Variants in QTMAN observed in about 807,000 individuals in gnomAD.
QTMAN encodes the protein queuosine-tRNA mannosyltransferase.
At chr2:144,214,704 A>C in the QTMAN span, among the ~76,000 whole-genome samples, 33 of 152,288 alleles carry the variant, frequency 2.2e-4, no homozygotes, top group Non-Finnish European at 4.3e-4. Context: ...GTCTTGTTGT[A>C]GAGACTAAGA....
chr2:144,236,810 C>T, the QTMAN span, among the ~76,000 whole-genome samples: 1 of 151,656 alleles, frequency 6.6e-6, no homozygotes, highest in Non-Finnish European at 1.5e-5. Flanking sequence ...GTTAGAGAAC[C>T]TTCCAGGTAC....
the QTMAN span, chr2:144,208,571 A>C: frequency 1.9e-6 from 3 of 1,590,950 alleles, no homozygotes; most frequent in Non-Finnish European, 2.6e-6. Flanking sequence ...CTTTTTAAAA[A>C]ACGCTGAAAA....
At chr2:144,236,534 A>T in the QTMAN span, among the ~76,000 whole-genome samples, 3 of 151,344 alleles carry the variant, frequency 2.0e-5, no homozygotes, top group Non-Finnish European at 4.4e-5. Flanking sequence ...ATTTATGACA[A>T]GGAAACTTTT....
the QTMAN span, among the ~76,000 whole-genome samples, chr2:144,001,429 CAACTTTGCATAAGCTGA>C: frequency 2.0e-5 from 3 of 151,998 alleles, no homozygotes; most frequent in East Asian, 5.8e-4. Flanking sequence ...CTCTTTATAT[CAACTTTGCATAAGCTGA>C]TTTATCATTA....
chr2:144,236,250 G>C, the QTMAN span, among the ~76,000 whole-genome samples: 3 of 152,078 alleles, frequency 2.0e-5, no homozygotes, highest in Non-Finnish European at 4.4e-5. Flanking sequence ...TTCCCTCCCA[G>C]AGAAACACAG....
chr2:144,110,308 G>GC, the QTMAN span, among the ~76,000 whole-genome samples: 2 of 152,014 alleles, frequency 1.3e-5, no homozygotes, highest in African/African-American at 4.8e-5. Flanking sequence ...ACCGAACACC[G>GC]CATGTTCTCA....
chr2:144,075,785 G>T, the QTMAN span, among the ~76,000 whole-genome samples: 1 of 152,196 alleles, frequency 6.6e-6, no homozygotes, highest in African/African-American at 2.4e-5. Flanking sequence ...TTCGGCAAGA[G>T]CTCATCTTTT....
At chr2:143,982,391 C>T in the QTMAN span, among the ~76,000 whole-genome samples, 1 of 151,668 alleles carries the variant, frequency 6.6e-6, no homozygotes, top group Non-Finnish European at 1.5e-5. Flanking sequence ...CCACTACGCC[C>T]AGCTAATTTT....
chr2:144,239,158 T>TAAAAAAAAAAAAAAAAAA, the QTMAN span, among the ~76,000 whole-genome samples: 1 of 131,372 alleles, frequency 7.6e-6, no homozygotes, highest in African/African-American at 3.0e-5. Flanking sequence ...TACGCACTGT[T>TAAAAAAAAAAAAAAAAAA]AAAAAAAAGA....
At chr2:144,307,105 G>C in the QTMAN span, among the ~76,000 whole-genome samples, 1 of 134,030 alleles carries the variant, frequency 7.5e-6, no homozygotes. Context: ...AGATTGCAGT[G>C]AGCCGAGATC....
At chr2:143,951,726 T>C in the QTMAN span, among the ~76,000 whole-genome samples, 1 of 151,502 alleles carries the variant, frequency 6.6e-6, no homozygotes, top group Admixed American at 6.6e-5. Flanking sequence ...AGGGGCTAAA[T>C]GTAAAGGACA....
the QTMAN span, among the ~76,000 whole-genome samples, chr2:144,204,982 G>A: frequency 1.6e-5 from 2 of 128,196 alleles, no homozygotes; most frequent in South Asian, 3.3e-4. Context: ...ATCACACACC[G>A]GGGCCTGTTG....
the QTMAN span, among the ~76,000 whole-genome samples, chr2:143,988,182 A>G: frequency 6.6e-6 from 1 of 152,292 alleles, no homozygotes; most frequent in African/African-American, 2.4e-5. Flanking sequence ...ACAGGAGAGG[A>G]ACCACATTTT....
At chr2:143,999,266 A>T in the QTMAN span, among the ~76,000 whole-genome samples, 1 of 152,024 alleles carries the variant, frequency 6.6e-6, no homozygotes, top group South Asian at 2.1e-4. Flanking sequence ...GGACATTCAC[A>T]GTCAGGGGGA....
the QTMAN span, among the ~76,000 whole-genome samples, chr2:144,245,937 CCTT>C: frequency 3.9e-5 from 6 of 152,078 alleles, no homozygotes; most frequent in Admixed American, 2.0e-4. Flanking sequence ...ATTGAAATAA[CCTT>C]CTGTTCTCTC....
At chr2:144,111,184 A>G in the QTMAN span, among the ~76,000 whole-genome samples, 1 of 152,176 alleles carries the variant, frequency 6.6e-6, no homozygotes, top group Non-Finnish European at 1.5e-5. Flanking sequence ...CGGCAGGCCC[A>G]TGGAGAGCCC....
At chr2:144,004,695 G>GA in the QTMAN span, among the ~76,000 whole-genome samples, 1 of 151,826 alleles carries the variant, frequency 6.6e-6, no homozygotes, top group Non-Finnish European at 1.5e-5. Flanking sequence ...AGTGGCATTT[G>GA]AAAAAAGTGT....
the QTMAN span, among the ~76,000 whole-genome samples, chr2:144,322,205 T>C: frequency 6.6e-6 from 1 of 152,334 alleles, no homozygotes; most frequent in South Asian, 2.1e-4. Flanking sequence ...TCTGGCCTTC[T>C]TTCCTTAAAG....
chr2:144,294,972 C>G, the QTMAN span, among the ~76,000 whole-genome samples: 1 of 152,088 alleles, frequency 6.6e-6, no homozygotes, highest in African/African-American at 2.4e-5. Context: ...ATCTTCAAAT[C>G]TTTTGAGTAT....
Sources: gnomAD v4.1 joint callset for allele counts (sites outside exome capture counted in the v4.1 genomes callset) on GRCh38, gnomAD v4.1.1 for gene constraint, MANE v1.5 for transcripts, NCBI Gene and HGNC (gene_info 2026-07-23, HGNC 2026-07-21) for gene names.